Variants in LAMA2 observed in about 807,000 individuals in gnomAD.
LAMA2 encodes the protein laminin subunit alpha-2.
In LAMA2, 269 loss-of-function variants were observed where a neutral mutation model predicts 364.8. That is an observed-to-expected ratio of 0.74 (90% CI 0.67 to 0.82). LAMA2 has a LOEUF of 0.82. Ranked by LOEUF, LAMA2 falls within the 40% of genes least tolerant of loss-of-function variation. The pLI is 0.00. For missense variants in LAMA2, 3,807 were observed against 3,873.2 expected, an observed-to-expected ratio of 0.98 and a Z score of 0.45; for synonymous variants, 1,379 against 1,370.6, an observed-to-expected ratio of 1.01 and a Z score of -0.14.
chr6:129,220,326 A>C (rs1783741058), intron 12 of LAMA2, among the ~76,000 whole-genome samples: 2 of 152,232 alleles, frequency 1.3e-5, no homozygotes, highest in Non-Finnish European at 2.9e-5. Context: ...AGTGCTTACC[A>C]CTGCTCTTGG....
intron 17 of LAMA2, 140 bp downstream of exon 17, chr6:129,270,891 A>T (rs183608309): frequency 1.4e-5 from 13 of 933,786 alleles, no homozygotes; most frequent in African/African-American, 1.3e-4. Context: ...AAATTATATG[A>T]ATTTTTTCAA....
At chr6:129,374,362 G>A (rs1778251396) in intron 34 of LAMA2, among the ~76,000 whole-genome samples, 1 of 150,972 alleles carries the variant, frequency 6.6e-6, no homozygotes, top group South Asian at 2.1e-4. Context: ...CTACATTAGA[G>A]GAGACAGTGC....
At chr6:129,341,189 A>G (rs1348295146) in intron 29 of LAMA2, among the ~76,000 whole-genome samples, 2 of 152,346 alleles carry the variant, frequency 1.3e-5, no homozygotes, top group African/African-American at 4.8e-5. Context: ...CACATGAAAC[A>G]TAAATACATT....
chr6:129,286,155 A>G lies in LAMA2; in HGVS notation c.2538-1692A>G, dbSNP rs555643869. 2.0e-5 allele frequency among the ~76,000 whole-genome samples: 3 copies of G among 152,260 alleles called. No individual in the cohort carries two copies. The East Asian group carries it at 5.8e-4, about 29-fold the overall frequency. ...ATAATGACTGCATATCTGTGAGTAG[A>G]TGAGCATAAAAGTGGTGTACTACTG... On this transcript the variant is annotated intron_variant, in intron 18 of 64. Coordinates refer to ENST00000421865, the MANE Select transcript of LAMA2 (RefSeq NM_000426.4).
chr6:128,883,462 C>T (rs1562796686), intron 1 of LAMA2, 105 bp downstream of exon 1: 15 of 1,528,372 alleles, frequency 9.8e-6, no homozygotes, highest in Admixed American at 3.9e-5. Flanking sequence ...CGTCTTGCTT[C>T]GCCTTCAGAG....
chr6:129,441,802 G>T lies in LAMA2; in HGVS notation c.6268+804G>T, dbSNP rs368577739. On this transcript the variant is annotated intron_variant, in intron 43 of 64. Transcript: ENST00000421865. The stretch of plus-strand genomic sequence containing the variant: ...GAGACCAGCCTGGGCACCATAGCAA[G>T]ACCCCATCTTTACAAAAAATTTAAA... 5.3e-5 allele frequency among the ~76,000 whole-genome samples: 8 copies of T among 152,114 alleles called. No individual in the cohort carries two copies. The East Asian group carries it at 1.2e-3, about 22-fold the overall frequency.
chr6:129,393,024 T>C, intron 36 of LAMA2, 21 bp from the exon 37 acceptor site: 2 of 1,604,146 alleles, frequency 1.2e-6, no homozygotes, highest in Non-Finnish European at 1.7e-6. Flanking sequence ...TTGTCTATTA[T>C]TGGGCTGGGG....
intron 1 of LAMA2, among the ~76,000 whole-genome samples, chr6:128,927,614 C>A (rs1779178659): frequency 1.3e-5 from 2 of 152,160 alleles, no homozygotes; most frequent in African/African-American, 4.8e-5. Context: ...CACCCACCTC[C>A]ATCAAGTTAT....
chr6:128,960,000 G>A lies in LAMA2; in HGVS notation c.112+76643G>A, dbSNP rs1291730406. Among the ~76,000 whole-genome samples the A allele has an allele frequency of 4.6e-5, 7 of 152,016 alleles. No individual in the cohort carries two copies. In the East Asian group the frequency reaches 1.3e-3, roughly 29 times the overall value. On this transcript the variant is annotated intron_variant, in intron 1 of 64. Transcript: ENST00000421865. ...CCTGGCGCATGTTAGAAATTAGAAAGTATTTCTTATGAACAGTTTTATGAT... is the reference window on the plus strand; with the variant it reads ...CCTGGCGCATGTTAGAAATTAGAAAATATTTCTTATGAACAGTTTTATGAT...
chr6:129,016,871 C>T (rs941654645), intron 1 of LAMA2, among the ~76,000 whole-genome samples: 2 of 151,324 alleles, frequency 1.3e-5, no homozygotes, highest in East Asian at 1.9e-4. Flanking sequence ...TACATATATA[C>T]ATTATATATT....
At chr6:129,362,064 C>G (rs1335979868) in intron 32 of LAMA2, among the ~76,000 whole-genome samples, 2 of 152,004 alleles carry the variant, frequency 1.3e-5, no homozygotes, top group Non-Finnish European at 2.9e-5. Flanking sequence ...GGATTACAGG[C>G]CTGAGCCACC....
intron 23 of LAMA2, among the ~76,000 whole-genome samples, chr6:129,313,946 A>G (rs1421818370): frequency 1.3e-5 from 2 of 152,220 alleles, no homozygotes; most frequent in African/African-American, 2.4e-5. Flanking sequence ...ATATATTACA[A>G]TAATTATATA....
intron 12 of LAMA2, among the ~76,000 whole-genome samples, chr6:129,210,024 A>AT (rs1554245743): frequency 6.9e-6 from 1 of 145,242 alleles, no homozygotes; most frequent in African/African-American, 2.6e-5. Context: ...AAAAAAAAAA[A>AT]ATTTTTACTA....
chr6:129,430,340 AGT>A, intron 41 of LAMA2, among the ~76,000 whole-genome samples: 1 of 152,340 alleles, frequency 6.6e-6, no homozygotes, highest in South Asian at 2.1e-4. Flanking sequence ...GGTTCAATTC[AGT>A]ACAGTTCAGT....
intron 18 of LAMA2, among the ~76,000 whole-genome samples, chr6:129,284,911 T>A (rs1322449947): frequency 6.6e-6 from 1 of 152,116 alleles, no homozygotes; most frequent in Non-Finnish European, 1.5e-5. Flanking sequence ...AGTTAACAGA[T>A]GTGGAAAGGA....
chr6:129,487,312 A>G (rs1285966464), intron 56 of LAMA2, among the ~76,000 whole-genome samples: 1 of 152,182 alleles, frequency 6.6e-6, no homozygotes, highest in Non-Finnish European at 1.5e-5. Flanking sequence ...ATGCTGCAAT[A>G]CTTTATACTT....
At chr6:128,893,784 ATT>A (rs113915280) in intron 1 of LAMA2, among the ~76,000 whole-genome samples, 3,432 of 152,150 alleles carry the variant, frequency 0.023, 44 homozygotes, top group Non-Finnish European at 0.028. Flanking sequence ...ATGTTTACTA[ATT>A]AATTTAAAAT....
chr6:128,911,366 A>G (rs546188598), intron 1 of LAMA2, among the ~76,000 whole-genome samples: 1 of 152,300 alleles, frequency 6.6e-6, no homozygotes, highest in African/African-American at 2.4e-5. Context: ...CCCGTCGGAA[A>G]GGCGCAGTAT....
chr6:128,940,398 T>C (rs543207784), intron 1 of LAMA2, among the ~76,000 whole-genome samples: 1 of 152,188 alleles, frequency 6.6e-6, no homozygotes, highest in Non-Finnish European at 1.5e-5. Flanking sequence ...TTCTTTATTA[T>C]AAGCTTTAAG....
Sources: allele counts gnomAD v4.1 joint callset (sites outside exome capture counted in the v4.1 genomes callset), GRCh38; gene constraint gnomAD v4.1.1; transcripts MANE v1.5; gene names NCBI Gene and HGNC (gene_info 2026-07-23, HGNC 2026-07-21).